Variants in SPAG11B observed in about 807,000 individuals in gnomAD.
The protein encoded by SPAG11B is sperm-associated antigen 11B.
In SPAG11B, 5 loss-of-function variants were observed where a neutral mutation model predicts 8.9. The observed-to-expected ratio is 0.56, with a 90% CI of 0.29 to 1.19. The LOEUF is 1.19. Among genes scored for constraint, SPAG11B ranks in the 50% most tolerant of loss-of-function variants. The pLI is 0.08. For missense variants in SPAG11B, 38 were observed against 146.4 expected, an observed-to-expected ratio of 0.26 and a Z score of 3.82; for synonymous variants, 12 against 53.0, an observed-to-expected ratio of 0.23 and a Z score of 3.36.
chr8:7,452,571 T>A (rs529222433), intron 2 of SPAG11B, among the ~76,000 whole-genome samples: 19 of 8,132 alleles, frequency 2.3e-3, no homozygotes, highest in African/African-American at 9.7e-3. Flanking sequence ...TAATTCCATA[T>A]ACGGATATTG....
At chr8:7,453,903 C>G (rs1483162795) in intron 2 of SPAG11B, among the ~76,000 whole-genome samples, 2 of 149,100 alleles carry the variant, frequency 1.3e-5, no homozygotes, top group African/African-American at 2.5e-5. Context: ...GCTTTTGACC[C>G]TCCACCAAAA....
chr8:7,453,771 C>T (rs867815073), intron 2 of SPAG11B, among the ~76,000 whole-genome samples: 2,165 of 142,654 alleles, frequency 0.015, 34 homozygotes, highest in African/African-American at 0.061. Context: ...AACTTTCCAC[C>T]TCTGGAGAGA....
In SPAG11B at chr8:7,451,186, G is replaced by A. The variant is rs1206109054; in HGVS notation, c.215-286C>T. The A allele has an allele frequency of 3.2e-6, 5 of 1,557,612 alleles. No individual in the cohort carries two copies. The South Asian group carries it at 4.5e-5, about 14-fold the overall frequency. Reference sequence around the variant, plus strand: ...TAAATGAGGGTCCTCGAGCCTCCCGGTGAGAGATGTGCACTAGAAGGAAAC... The same window carrying A: ...TAAATGAGGGTCCTCGAGCCTCCCGATGAGAGATGTGCACTAGAAGGAAAC... On this transcript the variant is annotated intron_variant, in intron 2 of 2. Transcript: ENST00000398462.
intron 2 of SPAG11B, among the ~76,000 whole-genome samples, chr8:7,455,999 CA>C (rs1810454674): frequency 7.7e-6 from 1 of 129,534 alleles, no homozygotes; most frequent in Non-Finnish European, 1.6e-5. Flanking sequence ...TCCTCATGGA[CA>C]ATGCTAATGT....
At chr8:7,453,513 A>G (rs1394725591) in intron 2 of SPAG11B, among the ~76,000 whole-genome samples, 1 of 147,466 alleles carries the variant, frequency 6.8e-6, no homozygotes, top group Non-Finnish European at 1.5e-5. Context: ...GACTCTAGAT[A>G]TCATTCTGGA....
chr8:7,451,773 G>C (rs1345879054), intron 2 of SPAG11B, among the ~76,000 whole-genome samples: 1 of 151,712 alleles, frequency 6.6e-6, no homozygotes, highest in Non-Finnish European at 1.5e-5. Context: ...TCATTTAACT[G>C]GTTACACTTC....
At chr8:7,459,334 AG>A (rs1810634310) in intron 2 of SPAG11B, among the ~76,000 whole-genome samples, 1 of 134,654 alleles carries the variant, frequency 7.4e-6, no homozygotes, top group Non-Finnish European at 1.6e-5. Context: ...ACAGTAATCA[AG>A]GGTGTGCCAG....
chr8:7,449,436 G>A (rs2128871296), downstream of SPAG11B, among the ~76,000 whole-genome samples: 1 of 146,586 alleles, frequency 6.8e-6, no homozygotes, highest in East Asian at 2.0e-4. Context: ...CACGTTTGCT[G>A]CGTTTCACTC....
intron 2 of SPAG11B, among the ~76,000 whole-genome samples, chr8:7,451,613 C>T (rs1183707607): frequency 2.3e-5 from 3 of 130,112 alleles, no homozygotes; most frequent in Non-Finnish European, 4.8e-5. Flanking sequence ...TGTATCATCT[C>T]AGCCCTGTCA....
At chr8:7,451,006 A>T (rs202042580) in intron 2 of SPAG11B, 106 bp from the exon 3 acceptor site, 1 of 1,517,974 alleles carries the variant, frequency 6.6e-7, no homozygotes, top group Non-Finnish European at 8.9e-7. Context: ...AAGGCTAAGT[A>T]CTTTTGGACA....
rs1186675202 is a variant in SPAG11B at position 7,458,694 on chromosome 8, AG to A, written c.214+4012del. ...AATAGTAAAAAAAAAAAAAAAAAATAGAAGGGCTCTACAGATATAAAAATAA... is the reference window on the plus strand; with the variant it reads ...AATAGTAAAAAAAAAAAAAAAAAATAAAGGGCTCTACAGATATAAAAATAA... On this transcript the variant is annotated intron_variant, in intron 2 of 2. Transcript: ENST00000398462. Among the ~76,000 whole-genome samples the A allele has an allele frequency of 4.7e-3, 522 of 111,044 alleles. 5 individuals carry two copies. Among genetic ancestry groups the A allele is most frequent in the African/African-American group, 0.018 (495 of 27,902 alleles). 72.8% of individuals were successfully genotyped at this position (111,044 alleles called of 152,430 possible). A position where few individuals can be genotyped will look rare whatever the true frequency, so the allele number is the denominator to read the frequency against.
intron 2 of SPAG11B, among the ~76,000 whole-genome samples, chr8:7,451,456 T>G (rs1810156769): frequency 8.3e-6 from 1 of 121,040 alleles, no homozygotes; most frequent in African/African-American, 3.2e-5. Flanking sequence ...AGATCTTACT[T>G]ATGTCAGATC....
chr8:7,455,424 GAAACA>G (rs1348653544), intron 2 of SPAG11B, among the ~76,000 whole-genome samples: 3 of 89,890 alleles, frequency 3.3e-5, no homozygotes, highest in Non-Finnish European at 6.7e-5. Context: ...GTCTCAAAAT[GAAACA>G]AAACAAAACA....
intron 2 of SPAG11B, among the ~76,000 whole-genome samples, chr8:7,453,331 T>C (rs1810297216): frequency 6.7e-6 from 1 of 148,402 alleles, no homozygotes; most frequent in African/African-American, 2.6e-5. Context: ...CTTAGATTTA[T>C]TTCCCTTAAA....
At position 7,450,752 on chromosome 8, in the gene SPAG11B, T is replaced by C. The variant is rs1300218620; in HGVS notation, c.363A>G (p.Gly121=). ...RCCVSNTDEE[G]KEKPEMDGRS... ...TGCCATCCATCTCTGGTTTCTCTTT[T>C]CCTTCTTCATCTGTATTTGATACGC... The change falls in exon 3 of 3, where the codon GGA becomes GGG. Residue 121 remains glycine, a synonymous_variant. Transcript: ENST00000398462. The C allele has an allele frequency of 6.2e-7, 1 of 1,603,334 alleles. No individual in the cohort carries two copies.
At chr8:7,453,758 T>C (rs1810332084) in intron 2 of SPAG11B, among the ~76,000 whole-genome samples, 2 of 147,578 alleles carry the variant, frequency 1.4e-5, no homozygotes, top group Non-Finnish European at 3.0e-5. Context: ...GGTGTTCATT[T>C]TGAACTTTCC....
intron 2 of SPAG11B, among the ~76,000 whole-genome samples, chr8:7,457,903 G>T (rs1277222184): frequency 1.3e-5 from 2 of 152,042 alleles, no homozygotes; most frequent in Non-Finnish European, 2.9e-5. Context: ...AAAGGGCTCT[G>T]TGTACCTAGT....
At chr8:7,451,927 G>C (rs1328577925) in intron 2 of SPAG11B, among the ~76,000 whole-genome samples, 3 of 135,722 alleles carry the variant, frequency 2.2e-5, no homozygotes, top group Non-Finnish European at 4.7e-5. Flanking sequence ...GTAGAGCATG[G>C]GGCTGCTATA....
downstream of SPAG11B, among the ~76,000 whole-genome samples, chr8:7,449,437 C>A (rs1421779432): frequency 1.4e-5 from 2 of 146,394 alleles, no homozygotes; most frequent in Non-Finnish European, 3.0e-5. Flanking sequence ...ACGTTTGCTG[C>A]GTTTCACTCT....
Sources: gnomAD v4.1 joint callset for allele counts (sites outside exome capture counted in the v4.1 genomes callset) on GRCh38, gnomAD v4.1.1 for gene constraint, MANE v1.5 for transcripts, NCBI Gene and HGNC (gene_info 2026-07-23, HGNC 2026-07-21) for gene names.